The following FRYL variants were observed in gnomAD, a reference collection of about 807,000 sequenced individuals.
The protein encoded by FRYL is FRY like transcription coactivator.
In FRYL, 150 loss-of-function variants were observed where a neutral mutation model predicts 351.2. That is an observed-to-expected ratio of 0.43 (90% CI 0.37 to 0.49). The LOEUF is 0.49. FRYL is among the 20% of genes least tolerant of loss of function. The pLI is 0.00. For missense variants in FRYL, 3,036 were observed against 3,619.3 expected (o/e 0.84, Z 4.13); for synonymous variants, 1,153 against 1,257.1 (o/e 0.92, Z 1.75).
intron 3 of FRYL, among the ~76,000 whole-genome samples, chr4:48,665,077 G>T (rs961801220): frequency 2.9e-4 from 44 of 152,314 alleles, no homozygotes; most frequent in Non-Finnish European, 4.7e-4. Context: ...AAACCAGTAA[G>T]AAAGTATTTT....
intron 3 of FRYL, among the ~76,000 whole-genome samples, chr4:48,670,911 A>G (rs1426996963): frequency 6.6e-6 from 1 of 152,122 alleles, no homozygotes; most frequent in East Asian, 1.9e-4. Flanking sequence ...TAAACATGGG[A>G]GTGATGATAT....
At chr4:48,559,247 A>G (rs1458681782) in intron 33 of FRYL, among the ~76,000 whole-genome samples, 2 of 152,074 alleles carry the variant, frequency 1.3e-5, no homozygotes, top group African/African-American at 4.8e-5. Context: ...TATAAAAGAC[A>G]TGGAGCTCAG....
chr4:48,678,578 ACACTTT>A (rs1764142381), intron 3 of FRYL, among the ~76,000 whole-genome samples: 1 of 151,652 alleles, frequency 6.6e-6, no homozygotes. Context: ...GAAGAGCCAG[ACACTTT>A]AAAACCAAAT....
rs779598069 is a variant in FRYL, at chr4:48,499,247, T to C, written c.*175A>G. 4.4e-5 allele frequency: 26 copies of C among 592,536 alleles called. No individual in the cohort carries two copies. The highest frequency in any genetic ancestry group is 1.3e-4 in the Admixed American group (4 of 31,952). The allele number at this position is 592,536 out of a possible 1,614,324, so 36.7% of individuals were successfully genotyped here. A position where few individuals can be genotyped will look rare whatever the true frequency, so the allele number is the denominator to read the frequency against. ...GGAGATATTGGCAGCTGTTAAAATATCAGATGTTTTTTTCTTTCAGATCTT... is the reference window on the plus strand; with the variant it reads ...GGAGATATTGGCAGCTGTTAAAATACCAGATGTTTTTTTCTTTCAGATCTT... On this transcript the variant is annotated 3_prime_UTR_variant, in exon 64 of 64. Transcript: ENST00000358350.
chr4:48,620,171 T>C (rs1578385303), intron 6 of FRYL, among the ~76,000 whole-genome samples: 1 of 152,194 alleles, frequency 6.6e-6, no homozygotes, highest in East Asian at 1.9e-4. Flanking sequence ...AAGATCATCC[T>C]GGGAAATTTG....
At chr4:48,617,138 G>T (rs1055258616) in intron 7 of FRYL, among the ~76,000 whole-genome samples, 1 of 152,002 alleles carries the variant, frequency 6.6e-6, no homozygotes, top group Admixed American at 6.6e-5. Context: ...TTAAATTAGC[G>T]TATGGGGATA....
At chr4:48,579,796 T>C (rs1378364330) in intron 22 of FRYL, among the ~76,000 whole-genome samples, 5 of 152,172 alleles carry the variant, frequency 3.3e-5, no homozygotes, top group Non-Finnish European at 5.9e-5. Context: ...TCATAATTTA[T>C]GGTTAATATC....
At chr4:48,590,253 C>T (rs1207652338) in intron 17 of FRYL, among the ~76,000 whole-genome samples, 1 of 152,058 alleles carries the variant, frequency 6.6e-6, no homozygotes, top group Admixed American at 6.5e-5. Flanking sequence ...GAGGCTGAGG[C>T]GAGTGAAATC....
intron 3 of FRYL, among the ~76,000 whole-genome samples, chr4:48,640,624 G>A (rs1458751921): frequency 1.3e-5 from 2 of 152,088 alleles, no homozygotes; most frequent in African/African-American, 2.4e-5. Flanking sequence ...AACCCAAAGA[G>A]TTAACTGGAA....
At chr4:48,564,652 G>C (rs1736348287) in intron 30 of FRYL, among the ~76,000 whole-genome samples, 1 of 152,066 alleles carries the variant, frequency 6.6e-6, no homozygotes, top group Non-Finnish European at 1.5e-5. Context: ...TTCTATGCTG[G>C]TATTTTATTT....
intron 22 of FRYL, among the ~76,000 whole-genome samples, chr4:48,580,255 T>C (rs1194999102): frequency 6.6e-6 from 1 of 152,150 alleles, no homozygotes; most frequent in Non-Finnish European, 1.5e-5. Context: ...TAAGGTTTTA[T>C]AGCTATTCTT....
chr4:48,734,231 A>C (rs1311752352), intron 1 of FRYL, among the ~76,000 whole-genome samples: 1 of 152,206 alleles, frequency 6.6e-6, no homozygotes, highest in South Asian at 2.1e-4. Context: ...TGTCATGCTA[A>C]CACTAATCAA....
intron 3 of FRYL, among the ~76,000 whole-genome samples, chr4:48,648,927 A>G (rs951365819): frequency 3.9e-5 from 6 of 152,202 alleles, no homozygotes; most frequent in Admixed American, 6.5e-5. Context: ...GAATACACTA[A>G]AACCCACCAA....
intron 59 of FRYL, among the ~76,000 whole-genome samples, chr4:48,508,545 A>G (rs1044800657): frequency 1.3e-5 from 2 of 152,184 alleles, no homozygotes; most frequent in African/African-American, 4.8e-5. Context: ...CAACCACCCT[A>G]AAACTTAATG....
chr4:48,721,463 A>G (rs1422397212), intron 1 of FRYL, among the ~76,000 whole-genome samples: 1 of 151,838 alleles, frequency 6.6e-6, no homozygotes, highest in Admixed American at 6.6e-5. Context: ...AGAGTTTGAG[A>G]CCAGCCTGGC....
intron 3 of FRYL, among the ~76,000 whole-genome samples, chr4:48,676,318 T>G (rs1475990273): frequency 1.3e-5 from 2 of 152,192 alleles, no homozygotes; most frequent in African/African-American, 2.4e-5. Context: ...GCTTCACTCC[T>G]GAGCCAGTGA....
chr4:48,765,423 G>T (rs1164695726), intron 1 of FRYL, among the ~76,000 whole-genome samples: 4 of 152,104 alleles, frequency 2.6e-5, no homozygotes, highest in African/African-American at 9.7e-5. Flanking sequence ...CCTCAATAAT[G>T]GTTTGGGAAA....
At chr4:48,671,873 CAAAAA>C (rs71191252) in intron 3 of FRYL, among the ~76,000 whole-genome samples, 31 of 51,840 alleles carry the variant, frequency 6.0e-4, no homozygotes, top group African/African-American at 8.1e-4. Flanking sequence ...AAAAAAAAAA[CAAAAA>C]AAAAAAAAAA....
chr4:48,659,094 T>C (rs1759890338), intron 3 of FRYL, among the ~76,000 whole-genome samples: 1 of 152,264 alleles, frequency 6.6e-6, no homozygotes, highest in South Asian at 2.1e-4. Flanking sequence ...CTCACGCCTG[T>C]AATCCCAACA....
Sources: allele counts gnomAD v4.1 joint callset (sites outside exome capture counted in the v4.1 genomes callset), GRCh38; gene constraint gnomAD v4.1.1; transcripts MANE v1.5; gene names NCBI Gene and HGNC (gene_info 2026-07-23, HGNC 2026-07-21).